The following HRH1 variants were observed in gnomAD, a reference collection of about 807,000 sequenced individuals.
HRH1 encodes the protein histamine H1 receptor.
HRH1 carries 6 observed loss-of-function variants against 10.3 expected under a neutral mutation model. The ratio of observed to expected loss-of-function variants is 0.58; its 90% CI spans 0.32 to 1.15. HRH1 has a LOEUF of 1.15. Ranked by LOEUF, HRH1 falls within the 50% of genes most tolerant of loss-of-function variation. The pLI is 0.05. For synonymous variants in HRH1, 242 were observed against 236.7 expected, an observed-to-expected ratio of 1.02 and a Z score of -0.21; for missense variants, 514 against 615.3, an observed-to-expected ratio of 0.84 and a Z score of 1.74.
intron 1 of HRH1, among the ~76,000 whole-genome samples, chr3:11,191,831 C>G (rs1256402016): frequency 6.6e-6 from 1 of 152,204 alleles, no homozygotes; most frequent in Admixed American, 6.5e-5. Flanking sequence ...CCTGGCCCAG[C>G]CCATTAAATG....
intron 1 of HRH1, among the ~76,000 whole-genome samples, chr3:11,197,572 T>A (rs1319000877): frequency 6.6e-6 from 1 of 152,220 alleles, no homozygotes; most frequent in Non-Finnish European, 1.5e-5. Flanking sequence ...TTTGGATGTT[T>A]ATAGTGGCCA....
chr3:11,215,632 A>C (rs193119798), intron 1 of HRH1, among the ~76,000 whole-genome samples: 2 of 152,126 alleles, frequency 1.3e-5, no homozygotes, highest in African/African-American at 4.8e-5. Flanking sequence ...TAGTAGAGAC[A>C]GGGTTTCACT....
intron 1 of HRH1, among the ~76,000 whole-genome samples, chr3:11,254,927 G>C (rs1239851064): frequency 1.3e-5 from 2 of 152,174 alleles, no homozygotes; most frequent in African/African-American, 4.8e-5. Context: ...GGCTGGGGTT[G>C]GACTTCACAA....
intron 1 of HRH1, among the ~76,000 whole-genome samples, chr3:11,172,687 T>G (rs1017371879): frequency 4.0e-5 from 6 of 150,768 alleles, no homozygotes; most frequent in Non-Finnish European, 7.4e-5. Flanking sequence ...AAAATACTTT[T>G]GTGGCTTTTG....
intron 1 of HRH1, among the ~76,000 whole-genome samples, chr3:11,145,674 T>C (rs1936425081): frequency 6.6e-6 from 1 of 152,196 alleles, no homozygotes; most frequent in Non-Finnish European, 1.5e-5. Flanking sequence ...TGTCTATACA[T>C]CTGTGTAACC....
At chr3:11,195,983 G>A (rs1005496460) in intron 1 of HRH1, among the ~76,000 whole-genome samples, 1 of 152,318 alleles carries the variant, frequency 6.6e-6, no homozygotes, top group Non-Finnish European at 1.5e-5. Flanking sequence ...AGACTAAAAT[G>A]CTTTCTGTCT....
Position 11,145,721 on chromosome 3 carries a change from C to T in HRH1, c.-36+8322C>T, listed in dbSNP as rs138847956. On this transcript the variant is annotated intron_variant, in intron 1 of 1. Coordinates refer to the HRH1 transcript ENST00000438284. The stretch of plus-strand genomic sequence containing the variant: ...CAAAGTATAGAATTTTTCCAGAACT[C>T]CCTTCTCAGTCAGTAACAGTACCCC... Among the ~76,000 whole-genome samples the T allele has an allele frequency of 1.1e-3, 170 of 151,558 alleles. 1 individual carries two copies. Among genetic ancestry groups the T allele is most frequent in the African/African-American group, 4.0e-3 (163 of 41,250 alleles).
Position 11,145,761 on chromosome 3 carries a change from A to G in HRH1, c.-36+8362A>G, listed in dbSNP as rs1199084914. Among the ~76,000 whole-genome samples, 5 of 10,460 alleles carry G rather than the reference A, an allele frequency of 4.8e-4. No individual in the cohort carries two copies. In the East Asian group the frequency reaches 0.31, roughly 654 times the overall value. The allele number at this position is 10,460 out of a possible 152,430, so 6.9% of individuals were successfully genotyped here. ...AACAGTACCCCTCCTTCTCCTCCAGAGGTACCACTTCTAAAATCATAGATC... is the reference window on the plus strand; with the variant it reads ...AACAGTACCCCTCCTTCTCCTCCAGGGGTACCACTTCTAAAATCATAGATC... On this transcript the variant is annotated intron_variant, in intron 1 of 1. Coordinates refer to the HRH1 transcript ENST00000438284.
At chr3:11,199,714 G>A (rs1035900337) in intron 1 of HRH1, among the ~76,000 whole-genome samples, 6 of 152,256 alleles carry the variant, frequency 3.9e-5, no homozygotes, top group African/African-American at 9.6e-5. Flanking sequence ...CATATTTGTC[G>A]CCTGCTGTTG....
At chr3:11,143,952 C>T (rs543453684) in intron 1 of HRH1, among the ~76,000 whole-genome samples, 60 of 152,244 alleles carry the variant, frequency 3.9e-4, no homozygotes, top group African/African-American at 1.4e-3. Context: ...TAAAAAAATG[C>T]TTAACATCAC....
chr3:11,167,633 A>G (rs567391554), intron 1 of HRH1, among the ~76,000 whole-genome samples: 1 of 152,380 alleles, frequency 6.6e-6, no homozygotes. Context: ...GAGCGCAATC[A>G]ATTGGTACCT....
At chr3:11,168,623 C>A (rs1317046236) in intron 1 of HRH1, among the ~76,000 whole-genome samples, 1 of 152,230 alleles carries the variant, frequency 6.6e-6, no homozygotes, top group African/African-American at 2.4e-5. Context: ...ATAACATGAG[C>A]GTAATCGTTG....
chr3:11,245,278 G>A (rs1458231285), intron 1 of HRH1, among the ~76,000 whole-genome samples: 2 of 151,986 alleles, frequency 1.3e-5, no homozygotes, highest in African/African-American at 2.4e-5. Flanking sequence ...ACTTGAACCC[G>A]GGAGGCAGAG....
intron 1 of HRH1, among the ~76,000 whole-genome samples, chr3:11,146,761 G>A (rs1936456587): frequency 6.6e-6 from 1 of 152,196 alleles, no homozygotes; most frequent in Non-Finnish European, 1.5e-5. Flanking sequence ...GGGTGTTTGG[G>A]GGTGGGCAGA....
intron 1 of HRH1, among the ~76,000 whole-genome samples, chr3:11,204,154 G>A (rs554783035): frequency 6.6e-6 from 1 of 152,068 alleles, no homozygotes; most frequent in Admixed American, 6.6e-5. Context: ...AGGCTCAGTG[G>A]GATGTTCATA....
intron 1 of HRH1, among the ~76,000 whole-genome samples, chr3:11,198,446 G>A (rs373986978): frequency 6.6e-6 from 1 of 152,298 alleles, no homozygotes. Flanking sequence ...GAGAGACCCA[G>A]CTCTTATTAT....
intron 1 of HRH1, among the ~76,000 whole-genome samples, chr3:11,241,602 G>T (rs549989243): frequency 3.3e-5 from 5 of 152,176 alleles, no homozygotes; most frequent in African/African-American, 9.6e-5. Context: ...GGCAGGCCGA[G>T]GCGGGTGGAT....
In HRH1 at chr3:11,206,320, C is replaced by T. The variant is rs182840195; in HGVS notation, c.-36+51766C>T. ...TTTAGTAGAGACAGAGTTTCGCCATCTTGGCCAGGCTGGTCTGGAACTCCT... is the reference window on the plus strand; with the variant it reads ...TTTAGTAGAGACAGAGTTTCGCCATTTTGGCCAGGCTGGTCTGGAACTCCT... On this transcript the variant is annotated intron_variant, in intron 1 of 1. Coordinates refer to ENST00000431010, the MANE Select transcript of HRH1 (RefSeq NM_001098212.2). Among the ~76,000 whole-genome samples, 97 of 152,206 alleles carry T rather than the reference C, an allele frequency of 6.4e-4. 3 individuals carry two copies. In the East Asian group the frequency reaches 0.017, roughly 26 times the overall value.
chr3:11,167,041 T>A (rs1937054253), intron 1 of HRH1, among the ~76,000 whole-genome samples: 1 of 138,780 alleles, frequency 7.2e-6, no homozygotes, highest in African/African-American at 2.8e-5. Context: ...TGCTGACCCC[T>A]GCATTCTCCA....
Sources: allele counts gnomAD v4.1 joint callset (sites outside exome capture counted in the v4.1 genomes callset), GRCh38; gene constraint gnomAD v4.1.1; transcripts MANE v1.5; gene names NCBI Gene and HGNC (gene_info 2026-07-23, HGNC 2026-07-21).